Variants in TARBP1 observed in about 807,000 individuals in gnomAD.
TARBP1 encodes the protein tRNA (guanosine(18)-2'-O)-methyltransferase TARBP1.
A neutral mutation model predicts 178.6 loss-of-function variants in TARBP1; 144 were observed. That is an observed-to-expected ratio of 0.81 (90% CI 0.70 to 0.93). The LOEUF (loss-of-function observed/expected upper bound fraction) is 0.93. Ranked by LOEUF, TARBP1 falls within the 40% of genes least tolerant of loss-of-function variation. TARBP1 has a pLI of 0.00. For missense variants in TARBP1, 2,067 were observed against 2,011.7 expected (o/e 1.03, Z -0.53); for synonymous variants, 787 against 781.0 (o/e 1.01, Z -0.13).
In TARBP1 at chr1:234,461,640, ATTC is replaced by A. The variant is rs539847794; in HGVS notation, c.1400-1247_1400-1245del. Among the ~76,000 whole-genome samples, 18 of 152,314 alleles carry A rather than the reference ATTC, an allele frequency of 1.2e-4. No homozygotes were observed. In the East Asian group the frequency reaches 3.5e-3, roughly 29 times the overall value. On this transcript the variant is annotated intron_variant, in intron 6 of 29. Coordinates refer to ENST00000040877, the MANE Select transcript of TARBP1 (RefSeq NM_005646.4). ...ATAAAATTGTTTATGATTAGAAGCC[ATTC>A]TTCTATTTGAGATGTGAAGGAAAAA...
chr1:234,442,861 C>T (rs1481980434), intron 12 of TARBP1, among the ~76,000 whole-genome samples: 1 of 152,182 alleles, frequency 6.6e-6, no homozygotes, highest in Non-Finnish European at 1.5e-5. Flanking sequence ...ACCCCAGTGG[C>T]TCCTCTTAAT....
At chr1:234,471,825 C>G (rs1460444937) in intron 2 of TARBP1, among the ~76,000 whole-genome samples, 1 of 152,136 alleles carries the variant, frequency 6.6e-6, no homozygotes, top group Non-Finnish European at 1.5e-5. Context: ...AATGCTTTTT[C>G]TTTACTCCTC....
Position 234,478,302 on chromosome 1 carries a change from T to C in TARBP1, c.802A>G (p.Thr268Ala), listed in dbSNP as rs752100641. The change falls in exon 1 of 30, where the codon ACG (threonine) becomes GCG (alanine). Residue 268 changes from threonine (T) to alanine (A), a missense_variant. Transcript: ENST00000040877. ...DARRCWRFWR[T>A]VQAGLGQADA... is the part of the protein sequence containing the mutation. ...GCCTGGCCCAGCCCCGCCTGCACCGTCCTCCAGAAGCGCCAGCAGCGCCGG... is the reference window on the plus strand; with the variant it reads ...GCCTGGCCCAGCCCCGCCTGCACCGCCCTCCAGAAGCGCCAGCAGCGCCGG... 10 of 1,531,606 alleles carry C rather than the reference T, an allele frequency of 6.5e-6. No individual in the cohort carries two copies. In the East Asian group the frequency reaches 2.4e-4, roughly 37 times the overall value. 94.9% of individuals were successfully genotyped at this position (1,531,606 alleles called of 1,614,324 possible).
rs763190382 is a variant in TARBP1 at position 234,446,932 on chromosome 1, G to A, written c.2005C>T (p.Pro669Ser). 6.2e-7 allele frequency: 1 copy of A among 1,613,756 alleles called. No homozygotes were observed. The highest frequency in any genetic ancestry group is 8.5e-7 in the Non-Finnish European group (1 of 1,179,842). ...AACTTCATAAGCACATCCAGAAGAGGGTCTAAGAATATCCGCAATACATTC... is the reference window on the plus strand; with the variant it reads ...AACTTCATAAGCACATCCAGAAGAGAGTCTAAGAATATCCGCAATACATTC... The part of the protein sequence containing the change: ...TENVLRIFLD[P>S]LLDVLMKFST... Residue 669 changes from proline to serine, a missense_variant, in exon 12 of 30, where the codon CCT (proline) becomes TCT (serine). Physicochemically the swap from Pro to Ser is moderately conservative, Grantham distance 74 (BLOSUM62 -1). Transcript: ENST00000040877.
rs776759050 is a variant in TARBP1 at position 234,393,737 on chromosome 1, G to C, written c.4344C>G (p.Leu1448=). The C allele has an allele frequency of 1.2e-6, 2 of 1,614,026 alleles. No homozygotes were observed. Among genetic ancestry groups the C allele is most frequent in the Non-Finnish European group, 1.7e-6 (2 of 1,180,018 alleles). Residue 1448 remains leucine, a synonymous_variant, in exon 27 of 30, where the codon CTC becomes CTG. Coordinates refer to ENST00000040877, the MANE Select transcript of TARBP1 (RefSeq NM_005646.4). ...GTCTGGCAGCACGATCCTGAAACAG[G>C]AGCTCCAGGTCTAAGTCGGAAACAC... ...NSRVSDLDLE[L]LFQDRAARLG... is the part of the protein sequence containing the mutation.
intron 13 of TARBP1, among the ~76,000 whole-genome samples, chr1:234,435,547 A>T (rs1160349559): frequency 6.6e-6 from 1 of 152,224 alleles, no homozygotes; most frequent in Admixed American, 6.5e-5. Flanking sequence ...AGAATTCAGG[A>T]GAAAAGTAGT....
At chr1:234,473,464 A>G (rs1290363413) in intron 1 of TARBP1, among the ~76,000 whole-genome samples, 1 of 152,236 alleles carries the variant, frequency 6.6e-6, no homozygotes, top group East Asian at 1.9e-4. Flanking sequence ...CACAGCAGAC[A>G]TTAGTCCTAC....
chr1:234,465,839 C>T (rs779602147), intron 4 of TARBP1, 131 bp from the exon 5 acceptor site: 119 of 738,254 alleles, frequency 1.6e-4, no homozygotes, highest in Admixed American at 2.3e-4. Flanking sequence ...TGATCTCTTA[C>T]GCTGCAGGCT....
At chr1:234,403,612 T>A (rs1256619517) in intron 24 of TARBP1, among the ~76,000 whole-genome samples, 1 of 152,216 alleles carries the variant, frequency 6.6e-6, no homozygotes, top group Non-Finnish European at 1.5e-5. Context: ...GCCTTGTGCC[T>A]GTCACAAGCC....
intron 6 of TARBP1, among the ~76,000 whole-genome samples, chr1:234,463,349 C>G (rs956844014): frequency 1.3e-5 from 2 of 152,154 alleles, no homozygotes; most frequent in Non-Finnish European, 2.9e-5. Context: ...GTCTCGAACT[C>G]CTGACCTCAG....
intron 22 of TARBP1, 94 bp downstream of exon 22, chr1:234,417,990 G>T (rs1456174505): frequency 1.1e-5 from 8 of 753,172 alleles, no homozygotes; most frequent in Non-Finnish European, 1.5e-5. Context: ...GGGCAACTGA[G>T]AGTCAAAAAC....
At position 234,457,577 on chromosome 1, in the gene TARBP1, A is replaced by T. The variant is rs142186862; in HGVS notation, c.1722+90T>A. ...GCTGACAGATAACAAAGCAATCATT[A>T]TATTTTATATAAATGGCTACTAAGA... On this transcript the variant is annotated intron_variant, in intron 9 of 29. Transcript: ENST00000040877. The T allele has an allele frequency of 6.1e-3, 4,936 of 803,146 alleles. 154 individuals carry two copies. In the Admixed American group the frequency reaches 0.073, roughly 12 times the overall value. 49.8% of individuals were successfully genotyped at this position (803,146 alleles called of 1,614,324 possible). A position where few individuals can be genotyped will look rare whatever the true frequency, so the allele number is the denominator to read the frequency against.
At chr1:234,395,798 AGGTT>A (rs1324379201) in intron 26 of TARBP1, among the ~76,000 whole-genome samples, 9 of 152,054 alleles carry the variant, frequency 5.9e-5, no homozygotes, top group African/African-American at 2.2e-4. Context: ...GCAGGAGGAG[AGGTT>A]GGTCAGAAGG....
At chr1:234,447,394 C>CTTTTTTTTTTTTTTT (rs36066908) in intron 11 of TARBP1, among the ~76,000 whole-genome samples, 9 of 104,624 alleles carry the variant, frequency 8.6e-5, no homozygotes, top group African/African-American at 2.6e-4. Flanking sequence ...TGTTAACCAA[C>CTTTTTTTTTTTTTTT]TTTTTTTTTT....
At chr1:234,437,744 T>C (rs1293885976) in intron 12 of TARBP1, among the ~76,000 whole-genome samples, 1 of 152,178 alleles carries the variant, frequency 6.6e-6, no homozygotes, top group Middle Eastern at 3.2e-3. Flanking sequence ...CTGGTCCTCC[T>C]CCCAATTGTA....
intron 6 of TARBP1, among the ~76,000 whole-genome samples, chr1:234,463,178 T>C (rs1668072879): frequency 2.0e-5 from 3 of 152,256 alleles, no homozygotes; most frequent in Admixed American, 6.5e-5. Flanking sequence ...GGCTAGAGTA[T>C]AGTGGCACAA....
In TARBP1 at chr1:234,437,344, A is replaced by G; in HGVS notation, c.2163T>C (p.Phe721=). The change falls in exon 13 of 30, where the codon TTT becomes TTC. Residue 721 remains phenylalanine (F), a synonymous_variant. Coordinates refer to ENST00000040877, the MANE Select transcript of TARBP1 (RefSeq NM_005646.4). ...DDEVSTVLQN[F]FMSTTESISE... ...AAATGCTCTCTGTAGTAGACATGAA[A>G]AAGTTCTGAAGAACAGTAGACACCT... The G allele has an allele frequency of 6.3e-7, 1 of 1,591,956 alleles. No homozygotes were observed. Among genetic ancestry groups the G allele is most frequent in the Non-Finnish European group, 8.6e-7 (1 of 1,169,574 alleles).
In TARBP1 at chr1:234,396,559, G is replaced by A. The variant is rs190344780; in HGVS notation, c.4243+1823C>T. On this transcript the variant is annotated intron_variant, in intron 26 of 29. Transcript: ENST00000040877. ...TGTTGTCTCCTCTGTAAGAATGTGG[G>A]CTCTATGAGGCAGGGACTCGGTCTC... is the stretch of plus-strand genomic sequence containing the variant. Among the ~76,000 whole-genome samples, 463 of 152,196 alleles carry A rather than the reference G, an allele frequency of 3.0e-3. 6 individuals are homozygous for A. Among genetic ancestry groups the A allele is most frequent in the Non-Finnish European group, 2.3e-3 (155 of 67,988 alleles).
intron 26 of TARBP1, among the ~76,000 whole-genome samples, chr1:234,396,306 T>C (rs1659930205): frequency 1.3e-5 from 2 of 152,206 alleles, no homozygotes; most frequent in African/African-American, 4.8e-5. Flanking sequence ...CACTGGGAAG[T>C]GCCTCCTGTC....
Sources: allele counts gnomAD v4.1 joint callset (sites outside exome capture counted in the v4.1 genomes callset), GRCh38; gene constraint gnomAD v4.1.1; transcripts MANE v1.5; gene names NCBI Gene and HGNC (gene_info 2026-07-23, HGNC 2026-07-21).